The following NRG3 variants were observed in gnomAD, a reference collection of about 807,000 sequenced individuals.
The protein encoded by NRG3 is pro-neuregulin-3, membrane-bound isoform.
In NRG3, 31 loss-of-function variants were observed where a neutral mutation model predicts 66.9. The ratio of observed to expected loss-of-function variants is 0.46; its 90% CI spans 0.35 to 0.63. The LOEUF (loss-of-function observed/expected upper bound fraction) is 0.63, where lower values mean the gene tolerates loss of function less well. Among genes scored for constraint, NRG3 ranks in the 20% least tolerant of loss-of-function variants. The probability of loss-of-function intolerance (pLI) is 0.00; values close to 1 mark genes in which losing one functional copy is unlikely to be tolerated. For missense variants in NRG3, 910 were observed against 878.9 expected, an observed-to-expected ratio of 1.04 and a Z score of -0.45; for synonymous variants, 393 against 359.4, an observed-to-expected ratio of 1.09 and a Z score of -1.06.
chr10:81,901,279 G>A (rs547165766), intron 1 of NRG3, among the ~76,000 whole-genome samples: 1 of 152,344 alleles, frequency 6.6e-6, no homozygotes, highest in East Asian at 1.9e-4. Context: ...TGCAGCCGGG[G>A]CCTCCCTGTG....
At chr10:82,232,820 G>A (rs774483390) in intron 1 of NRG3, 10 of 717,240 alleles carry the variant, frequency 1.4e-5, no homozygotes, top group Admixed American at 1.0e-4. Context: ...CAGGAGCAAG[G>A]TAAGTTGTAA....
At chr10:82,696,572 A>G (rs76548904) in intron 2 of NRG3, among the ~76,000 whole-genome samples, 2,200 of 152,198 alleles carry the variant, frequency 0.014, 25 homozygotes, top group Non-Finnish European at 0.017. Context: ...AAATAAGCCA[A>G]TCTTTTTCTG....
chr10:82,764,161 A>C (rs2059425850), intron 3 of NRG3, among the ~76,000 whole-genome samples: 1 of 151,906 alleles, frequency 6.6e-6, no homozygotes, highest in South Asian at 2.1e-4. Context: ...CATCCTCCTG[A>C]GCACCTGGGA....
Position 81,937,055 on chromosome 10 carries a change from C to T in NRG3, c.823+60892C>T, listed in dbSNP as rs149011060. 1.6e-4 allele frequency among the ~76,000 whole-genome samples: 24 copies of T among 152,192 alleles called. No homozygotes were observed. The East Asian group carries it at 4.3e-3, about 27-fold the overall frequency. On this transcript the variant is annotated intron_variant, in intron 1 of 8. Coordinates refer to ENST00000372141, the MANE Select transcript of NRG3 (RefSeq NM_001010848.4). ...TTGTCTTTCTGTGGCTGGCTTATTTCGCTTCACATAATGTCCTCAAGGTTC... is the reference window on the plus strand; with the variant it reads ...TTGTCTTTCTGTGGCTGGCTTATTTTGCTTCACATAATGTCCTCAAGGTTC...
chr10:82,227,023 T>C (rs1464280390), intron 1 of NRG3, among the ~76,000 whole-genome samples: 2 of 152,224 alleles, frequency 1.3e-5, no homozygotes, highest in Admixed American at 6.5e-5. Flanking sequence ...GCTTGCCTTC[T>C]TGTGAATCCA....
At chr10:82,366,477 C>A (rs1020868250) in intron 2 of NRG3, among the ~76,000 whole-genome samples, 1 of 152,112 alleles carries the variant, frequency 6.6e-6, no homozygotes, top group Non-Finnish European at 1.5e-5. Flanking sequence ...TAGCAATTTT[C>A]TATTATTTGT....
At chr10:82,702,283 A>T (rs2055943796) in intron 2 of NRG3, among the ~76,000 whole-genome samples, 1 of 152,194 alleles carries the variant, frequency 6.6e-6, no homozygotes, top group Non-Finnish European at 1.5e-5. Context: ...ATTGACCGAA[A>T]ATATAGAAGA....
chr10:82,171,572 C>T (rs1341417860), intron 1 of NRG3, among the ~76,000 whole-genome samples: 2 of 152,026 alleles, frequency 1.3e-5, no homozygotes, highest in South Asian at 2.1e-4. Flanking sequence ...AATTCAGCTG[C>T]GAGTATTACA....
chr10:82,706,993 C>CAAA (rs200718701), intron 2 of NRG3, among the ~76,000 whole-genome samples: 2 of 123,308 alleles, frequency 1.6e-5, no homozygotes, highest in African/African-American at 6.3e-5. Flanking sequence ...GACTCCATCT[C>CAAA]AAAAAAAAAA....
chr10:82,358,260 G>C (rs1343498199), intron 1 of NRG3, among the ~76,000 whole-genome samples: 1 of 149,064 alleles, frequency 6.7e-6, no homozygotes, highest in Non-Finnish European at 1.5e-5. Context: ...AATTGGCTTA[G>C]CTATTAGCCA....
At chr10:82,233,473 G>A (rs1486213400) in intron 1 of NRG3, among the ~76,000 whole-genome samples, 1 of 152,196 alleles carries the variant, frequency 6.6e-6, no homozygotes, top group African/African-American at 2.4e-5. Flanking sequence ...ACAAGGTACA[G>A]AAAATTTAAA....
chr10:82,446,161 C>T (rs944304607), intron 2 of NRG3, among the ~76,000 whole-genome samples: 2 of 152,212 alleles, frequency 1.3e-5, no homozygotes, highest in African/African-American at 4.8e-5. Context: ...AAGGTCACTT[C>T]CCTGTGCTGT....
intron 2 of NRG3, among the ~76,000 whole-genome samples, chr10:82,690,616 C>A (rs2054852855): frequency 6.6e-6 from 1 of 152,196 alleles, no homozygotes; most frequent in African/African-American, 2.4e-5. Context: ...ACAGAAAATG[C>A]AAAGAATCTT....
intron 2 of NRG3, among the ~76,000 whole-genome samples, chr10:82,482,589 A>G (rs1842365047): frequency 6.6e-6 from 1 of 152,158 alleles, no homozygotes. Context: ...AGGCACCATC[A>G]AAGGGACCAC....
chr10:81,950,581 A>C (rs1006554524), intron 1 of NRG3, among the ~76,000 whole-genome samples: 1 of 152,188 alleles, frequency 6.6e-6, no homozygotes, highest in African/African-American at 2.4e-5. Flanking sequence ...GTTAGAGTGC[A>C]TCACACAGAG....
At chr10:82,834,054 A>T (rs1216892011) in intron 3 of NRG3, among the ~76,000 whole-genome samples, 1 of 152,174 alleles carries the variant, frequency 6.6e-6, no homozygotes, top group Non-Finnish European at 1.5e-5. Flanking sequence ...CCAGTACAAA[A>T]TGGTGGTTTT....
intron 1 of NRG3, among the ~76,000 whole-genome samples, chr10:82,321,302 G>T (rs796559772): frequency 6.0e-5 from 6 of 100,442 alleles, no homozygotes; most frequent in African/African-American, 2.8e-4. Context: ...TGGCAGGGGT[G>T]GGGGTGGGGG....
At chr10:82,705,013 T>C (rs886681966) in intron 2 of NRG3, among the ~76,000 whole-genome samples, 1 of 152,166 alleles carries the variant, frequency 6.6e-6, no homozygotes, top group Non-Finnish European at 1.5e-5. Context: ...AATAAATTGA[T>C]AATAGTGTTC....
At chr10:82,580,202 G>A (rs1003310105) in intron 2 of NRG3, among the ~76,000 whole-genome samples, 2 of 151,796 alleles carry the variant, frequency 1.3e-5, no homozygotes, top group African/African-American at 2.4e-5. Context: ...AGATATGAAA[G>A]CCTACTGCAT....
Sources: gnomAD v4.1 joint callset for allele counts (sites outside exome capture counted in the v4.1 genomes callset) on GRCh38, gnomAD v4.1.1 for gene constraint, MANE v1.5 for transcripts, NCBI Gene and HGNC (gene_info 2026-07-23, HGNC 2026-07-21) for gene names.